Variants in FAM222A observed in about 807,000 individuals in gnomAD.
FAM222A encodes the protein family with sequence similarity 222 member A.
FAM222A carries 7 observed loss-of-function variants against 25.8 expected under a neutral mutation model. That is an observed-to-expected ratio of 0.27 (90% confidence interval 0.15 to 0.51). FAM222A has a LOEUF of 0.51. Ranked by LOEUF, FAM222A falls within the 20% of genes least tolerant of loss-of-function variation. FAM222A has a pLI of 0.97. For missense variants in FAM222A, 573 were observed against 640.5 expected (o/e 0.89, Z 1.14); for synonymous variants, 294 against 298.8 (o/e 0.98, Z 0.17).
intron 2 of FAM222A, chr12:109,744,439 C>A (rs1038710751): frequency 4.1e-6 from 4 of 985,456 alleles, no homozygotes. Context: ...GCAAGACTCT[C>A]AACTCTGGCT....
At chr12:109,748,450 G>GA (rs1429559720) in intron 2 of FAM222A, among the ~76,000 whole-genome samples, 1 of 151,258 alleles carries the variant, frequency 6.6e-6, no homozygotes, top group Non-Finnish European at 1.5e-5. Flanking sequence ...AATAGACATG[G>GA]AATTATCTGT....
chr12:109,715,179 T>A (rs1887619407), intron 1 of FAM222A, among the ~76,000 whole-genome samples: 1 of 151,898 alleles, frequency 6.6e-6, no homozygotes, highest in African/African-American at 2.4e-5. Flanking sequence ...ATTGGCTGTG[T>A]CATCCGAAAA....
chr12:109,768,639 C>A lies in FAM222A; in HGVS notation c.710C>A (p.Pro237His). ...AGCCCTGCCAAGCACGGCCCAGTGC[C>A]CAGCTTCCCCAGCATGGCCTACTCG... Reference protein sequence around the residue: ...HPSPAKHGPVPSFPSMAYSAA... With the variant: ...HPSPAKHGPVHSFPSMAYSAA... Residue 237 changes from proline (P) to histidine (H), a missense_variant, in exon 3 of 3, where the codon CCC (proline) becomes CAC (histidine). Transcript: ENST00000538780. 6.2e-7 allele frequency: 1 copy of A among 1,601,294 alleles called. No homozygotes were observed.
intron 2 of FAM222A, among the ~76,000 whole-genome samples, chr12:109,764,520 A>G (rs1340623737): frequency 6.6e-6 from 1 of 152,224 alleles, no homozygotes. Context: ...GATACTCAAG[A>G]TAAACTCCAA....
intron 2 of FAM222A, among the ~76,000 whole-genome samples, chr12:109,749,530 C>A (rs1888502132): frequency 6.6e-6 from 1 of 152,004 alleles, no homozygotes; most frequent in Non-Finnish European, 1.5e-5. Flanking sequence ...TTGTTGTGAG[C>A]TTTGTGGATT....
At chr12:109,764,238 G>A (rs1340179006) in intron 2 of FAM222A, among the ~76,000 whole-genome samples, 245 of 30,476 alleles carry the variant, frequency 8.0e-3, no homozygotes, top group African/African-American at 0.01. Context: ...AAAAAAAAAA[G>A]CCATGGCCCT....
Position 109,744,094 on chromosome 12 carries a change from C to A in FAM222A, c.-46-7C>A, listed in dbSNP as rs948255788. The A allele has an allele frequency of 2.1e-5, 34 of 1,594,524 alleles. No homozygotes were observed. Among genetic ancestry groups the A allele is most frequent in the African/African-American group, 4.0e-5 (3 of 74,580 alleles). On this transcript the variant is annotated splice_polypyrimidine_tract_variant and splice_region_variant and intron_variant, in intron 1 of 2. Transcript: ENST00000538780. ...AAGTGACAGAGCACCCCATCTTCCT[C>A]CTGCAGGGACCCAGTCGCAGAGCGC...
chr12:109,744,617 A>C, intron 2 of FAM222A: 1 of 985,450 alleles, frequency 1.0e-6, no homozygotes, highest in Non-Finnish European at 1.2e-6. Context: ...CTTGAGGCCC[A>C]TGAGCTGTGT....
At chr12:109,757,859 C>T (rs994941473) in intron 2 of FAM222A, among the ~76,000 whole-genome samples, 10 of 152,056 alleles carry the variant, frequency 6.6e-5, no homozygotes, top group Admixed American at 2.6e-4. Flanking sequence ...GAGATGAGGC[C>T]GGGCTGAAGG....
At chr12:109,731,527 G>A (rs943200386) in intron 1 of FAM222A, among the ~76,000 whole-genome samples, 1 of 152,190 alleles carries the variant, frequency 6.6e-6, no homozygotes, top group Non-Finnish European at 1.5e-5. Context: ...CCAGCTCCAC[G>A]TGAGCTGAGG....
Position 109,715,474 on chromosome 12 carries a change from T to C in FAM222A, c.-47+577T>C, listed in dbSNP as rs550143313. On this transcript the variant is annotated intron_variant, in intron 1 of 2. Coordinates refer to ENST00000538780, the MANE Select transcript of FAM222A (RefSeq NM_032829.3). Reference sequence around the variant, plus strand: ...GTCAAACCTTAGCCTCTGATGTCACTGGGGTTGCCGTGGCAACACCACTTG... The same window carrying C: ...GTCAAACCTTAGCCTCTGATGTCACCGGGGTTGCCGTGGCAACACCACTTG... 1.7e-3 allele frequency among the ~76,000 whole-genome samples: 253 copies of C among 151,936 alleles called. 1 individual carries two copies. Among genetic ancestry groups the C allele is most frequent in the African/African-American group, 5.9e-3 (243 of 41,404 alleles).
At chr12:109,720,105 C>G in intron 1 of FAM222A, 3 of 985,418 alleles carry the variant, frequency 3.0e-6, no homozygotes, top group Non-Finnish European at 3.6e-6. Context: ...CCCCTCAGAG[C>G]TGGGTGGGCT....
At chr12:109,721,163 T>C (rs891231106) in intron 1 of FAM222A, among the ~76,000 whole-genome samples, 1 of 151,636 alleles carries the variant, frequency 6.6e-6, no homozygotes, top group African/African-American at 2.4e-5. Context: ...CTTAGCCTGA[T>C]GATGTGAAGC....
chr12:109,742,205 T>C (rs780643316), intron 1 of FAM222A: 2 of 152,286 alleles, frequency 1.3e-5, no homozygotes, highest in Non-Finnish European at 2.9e-5. Flanking sequence ...CAAACACATA[T>C]GTACATAGGT....
At chr12:109,733,962 C>T (rs1370200843) in intron 1 of FAM222A, among the ~76,000 whole-genome samples, 1 of 152,082 alleles carries the variant, frequency 6.6e-6, no homozygotes, top group African/African-American at 2.4e-5. Context: ...CCTATAATTC[C>T]AGCACTTAGG....
intron 1 of FAM222A, among the ~76,000 whole-genome samples, chr12:109,724,167 G>GCTCCTGAAC (rs2136319988): frequency 6.6e-6 from 1 of 152,312 alleles, no homozygotes; most frequent in South Asian, 2.1e-4. Flanking sequence ...ACTGCTGGCA[G>GCTCCTGAAC]CTCCTGAACC....
At chr12:109,717,800 T>G (rs1242285328) in intron 1 of FAM222A, among the ~76,000 whole-genome samples, 1 of 152,188 alleles carries the variant, frequency 6.6e-6, no homozygotes, top group African/African-American at 2.4e-5. Context: ...TCCTTCTCAC[T>G]TATCTAATTC....
intron 1 of FAM222A, among the ~76,000 whole-genome samples, chr12:109,733,610 AGCCAG>A (rs1888002886): frequency 1.3e-5 from 2 of 152,050 alleles, no homozygotes; most frequent in Non-Finnish European, 2.9e-5. Context: ...TCACCGTGTT[AGCCAG>A]GATGGTCTCG....
At chr12:109,743,100 A>G (rs1219023996) in intron 1 of FAM222A, among the ~76,000 whole-genome samples, 1 of 152,066 alleles carries the variant, frequency 6.6e-6, no homozygotes, top group Non-Finnish European at 1.5e-5. Flanking sequence ...GCCCGGGAAG[A>G]TGGACATCAG....
Sources: gnomAD v4.1 joint callset for allele counts (sites outside exome capture counted in the v4.1 genomes callset) on GRCh38, gnomAD v4.1.1 for gene constraint, MANE v1.5 for transcripts, NCBI Gene and HGNC (gene_info 2026-07-23, HGNC 2026-07-21) for gene names.